The following ZNF704 variants were observed in gnomAD, a reference collection of about 807,000 sequenced individuals.
The protein encoded by ZNF704 is glucocorticoid induced gene 1.
In ZNF704, 10 loss-of-function variants were observed where a neutral mutation model predicts 44.7. That is an observed-to-expected ratio of 0.22 (90% CI 0.14 to 0.38). The LOEUF is 0.38. ZNF704 is among the 10% of genes least tolerant of loss of function. The pLI is 1.00. For synonymous variants in ZNF704, 211 were observed against 207.6 expected (o/e 1.02, Z -0.14); for missense variants, 390 against 545.5 (o/e 0.71, Z 2.84).
At position 80,635,559 on chromosome 8, in the gene ZNF704, T is replaced by A. The variant is rs1817652866; in HGVS notation, c.*5807A>T. On this transcript the variant is annotated 3_prime_UTR_variant, in exon 9 of 9. Transcript: ENST00000327835. ...CCTGTCTACTATGATTTTAGAAATT[T>A]CCACCAAATGATACTTGCTAGTTAA... 1 of 152,248 alleles carries A rather than the reference T, an allele frequency of 6.6e-6. No individual in the cohort carries two copies. Among genetic ancestry groups the A allele is most frequent in the African/African-American group, 2.4e-5 (1 of 41,468 alleles). The allele number at this position is 152,248 out of a possible 1,614,324, so 9.4% of individuals were successfully genotyped here.
intron 4 of ZNF704, among the ~76,000 whole-genome samples, chr8:80,675,458 CTT>C (rs1348007551): frequency 6.7e-6 from 1 of 148,478 alleles, no homozygotes; most frequent in Non-Finnish European, 1.5e-5. Context: ...CACTGTATGA[CTT>C]AAGTTTTGTT....
upstream of ZNF704, among the ~76,000 whole-genome samples, chr8:80,878,276 G>C (rs184111454): frequency 1.3e-5 from 2 of 150,372 alleles, no homozygotes; most frequent in East Asian, 3.9e-4. Flanking sequence ...AAGGAAGGAA[G>C]GAAGGAAGGA....
rs76263149 is a variant in ZNF704 at position 80,700,763 on chromosome 8, C to T, written c.222-7656G>A. Among the ~76,000 whole-genome samples the T allele has an allele frequency of 6.0e-3, 914 of 152,294 alleles. 6 individuals carry two copies. The highest frequency in any genetic ancestry group is 0.01 in the Non-Finnish European group (697 of 68,020). ...GTACTGAGGGAATCATTAGACCATT[C>T]TCTCTCTATCTGTGTAGATTTGAAA... On this transcript the variant is annotated intron_variant, in intron 2 of 8. Transcript: ENST00000327835.
chr8:80,742,312 C>T (rs931193677), intron 2 of ZNF704, among the ~76,000 whole-genome samples: 1 of 152,184 alleles, frequency 6.6e-6, no homozygotes, highest in Non-Finnish European at 1.5e-5. Flanking sequence ...GAATGGGGAA[C>T]CTCACGAGGA....
At chr8:80,823,220 CCTAACACTG>C (rs1383667122) in intron 1 of ZNF704, among the ~76,000 whole-genome samples, 1 of 152,216 alleles carries the variant, frequency 6.6e-6, no homozygotes, top group Non-Finnish European at 1.5e-5. Context: ...ACACTCTCAC[CCTAACACTG>C]CGCTTTTCCA....
At chr8:80,875,346 C>G (rs1183901122), upstream of ZNF704, among the ~76,000 whole-genome samples, 1 of 151,758 alleles carries the variant, frequency 6.6e-6, no homozygotes, top group Non-Finnish European at 1.5e-5. Context: ...CTCTTGTTGC[C>G]AAGGCTGGAG....
intron 7 of ZNF704, among the ~76,000 whole-genome samples, chr8:80,651,966 T>A (rs1585923873): frequency 6.6e-6 from 1 of 151,940 alleles, no homozygotes; most frequent in African/African-American, 2.4e-5. Flanking sequence ...TAACAAACTG[T>A]CTCTCAGACC....
At chr8:80,854,577 TTATA>T (rs1808926064) in intron 1 of ZNF704, among the ~76,000 whole-genome samples, 1 of 152,198 alleles carries the variant, frequency 6.6e-6, no homozygotes, top group Non-Finnish European at 1.5e-5. Flanking sequence ...CCATTTCTCT[TTATA>T]TAAACTAAAA....
At chr8:80,713,974 AG>A (rs1819033275) in intron 2 of ZNF704, among the ~76,000 whole-genome samples, 2 of 152,230 alleles carry the variant, frequency 1.3e-5, no homozygotes, top group African/African-American at 4.8e-5. Flanking sequence ...TACGTTACAC[AG>A]GGCATGCTAA....
chr8:80,746,417 G>A (rs1001227277), intron 2 of ZNF704, among the ~76,000 whole-genome samples: 1 of 151,954 alleles, frequency 6.6e-6, no homozygotes, highest in Non-Finnish European at 1.5e-5. Context: ...AACCTTTTTC[G>A]GACCTACTCT....
intron 2 of ZNF704, among the ~76,000 whole-genome samples, chr8:80,747,627 A>C (rs2131701356): frequency 6.6e-6 from 1 of 152,340 alleles, no homozygotes; most frequent in Admixed American, 6.5e-5. Context: ...CTGAATGAAG[A>C]CCTTATAATT....
rs140769013 is a variant in ZNF704, at chr8:80,647,975, A to G, written c.1033-4846T>C. On this transcript the variant is annotated intron_variant, in intron 7 of 8. Coordinates refer to ENST00000327835, the MANE Select transcript of ZNF704 (RefSeq NM_001033723.3). ...ATTTTTTAAAGTTCTGGAGGCTGGA[A>G]AGTCCAAGGTTGAGGGGCCGGCATG... 4.0e-3 allele frequency among the ~76,000 whole-genome samples: 614 copies of G among 152,324 alleles called. 1 individual carries two copies. The highest frequency in any genetic ancestry group is 5.5e-3 in the Non-Finnish European group (374 of 68,034).
intron 1 of ZNF704, among the ~76,000 whole-genome samples, chr8:80,855,061 G>T (rs944171599): frequency 1.7e-4 from 26 of 152,068 alleles, no homozygotes; most frequent in African/African-American, 6.3e-4. Context: ...GTACAATTAA[G>T]TTATCATGTT....
At chr8:80,707,563 G>A (rs2131653118) in intron 2 of ZNF704, among the ~76,000 whole-genome samples, 1 of 152,158 alleles carries the variant, frequency 6.6e-6, no homozygotes, top group East Asian at 1.9e-4. Flanking sequence ...GTGTTATTAG[G>A]TTGAACCATA....
chr8:80,722,095 C>T (rs1159047478), intron 2 of ZNF704, among the ~76,000 whole-genome samples: 1 of 152,104 alleles, frequency 6.6e-6, no homozygotes, highest in Non-Finnish European at 1.5e-5. Flanking sequence ...AAAAACGTAG[C>T]TGGGAGTGGT....
rs193144129 is a variant in ZNF704 at position 80,854,941 on chromosome 8, G to T, written c.-22+19630C>A. ...GGGGTACATGAGATATTTTGATACA[G>T]GCATGCAATGTGAAATAAGCACATC... On this transcript the variant is annotated intron_variant, in intron 1 of 8. Coordinates refer to ENST00000327835, the MANE Select transcript of ZNF704 (RefSeq NM_001033723.3). 8.9e-4 allele frequency among the ~76,000 whole-genome samples: 136 copies of T among 152,222 alleles called. 1 individual carries two copies. Among genetic ancestry groups the T allele is most frequent in the African/African-American group, 3.2e-3 (132 of 41,538 alleles).
chr8:80,706,425 T>C (rs139949189), intron 2 of ZNF704, among the ~76,000 whole-genome samples: 1 of 152,308 alleles, frequency 6.6e-6, no homozygotes, highest in Non-Finnish European at 1.5e-5. Flanking sequence ...TTACCTGAAA[T>C]AGTATCATCA....
intron 7 of ZNF704, among the ~76,000 whole-genome samples, chr8:80,650,186 A>C (rs1029593895): frequency 8.6e-5 from 13 of 151,596 alleles, no homozygotes; most frequent in Non-Finnish European, 1.6e-4. Flanking sequence ...CAAAGACCAA[A>C]GGTAGATAAA....
At chr8:80,812,121 A>C (rs1808094736) in intron 2 of ZNF704, 2 of 152,306 alleles carry the variant, frequency 1.3e-5, no homozygotes, top group Admixed American at 1.3e-4. Context: ...CTGCAATAGA[A>C]CCAATTTATC....
Sources: gnomAD v4.1 joint callset for allele counts (sites outside exome capture counted in the v4.1 genomes callset) on GRCh38, gnomAD v4.1.1 for gene constraint, MANE v1.5 for transcripts, NCBI Gene and HGNC (gene_info 2026-07-23, HGNC 2026-07-21) for gene names.